Variants in MAP2K1 observed in about 807,000 individuals in gnomAD.
MAP2K1 encodes mitogen-activated protein kinase kinase 1, also known as dual specificity mitogen-activated protein kinase kinase 1.
MAP2K1 carries 16 observed loss-of-function variants against 46.3 expected under a neutral mutation model. That is an observed-to-expected ratio of 0.35 (90% CI 0.23 to 0.52). The LOEUF is 0.52. Ranked by LOEUF, MAP2K1 falls within the 20% of genes least tolerant of loss-of-function variation. The pLI is 0.94. For missense variants in MAP2K1, 263 were observed against 497.1 expected (o/e 0.53, Z 4.48); for synonymous variants, 183 against 185.6 (o/e 0.99, Z 0.11).
At chr15:66,480,303 T>C (rs2079360015) in intron 5 of MAP2K1, among the ~76,000 whole-genome samples, 1 of 152,170 alleles carries the variant, frequency 6.6e-6, no homozygotes, top group Non-Finnish European at 1.5e-5. Context: ...TTGGTCAGGC[T>C]GGTCTCAAAC....
intron 10 of MAP2K1, chr15:66,490,012 A>T: frequency 1.7e-6 from 1 of 592,386 alleles, no homozygotes; most frequent in South Asian, 2.0e-5. Context: ...ATGGGAAAGA[A>T]AAGGCCAGCC....
At position 66,490,631 on chromosome 15, in the gene MAP2K1, C is replaced by T. The variant is rs1422535238; in HGVS notation, c.*16C>T. The T allele has an allele frequency of 6.2e-7, 1 of 1,601,646 alleles. No homozygotes were observed. The highest frequency in any genetic ancestry group is 1.3e-5 in the African/African-American group (1 of 74,692). The stretch of plus-strand genomic sequence containing the variant: ...TGGCGTCTAAGTGTTTGGGAAGCAA[C>T]AAAGAGCGAGTCCCCTGCCCGGTGG... On this transcript the variant is annotated 3_prime_UTR_variant, in exon 11 of 11. Coordinates refer to ENST00000307102, the MANE Select transcript of MAP2K1 (RefSeq NM_002755.4).
At chr15:66,474,559 A>G (rs1892713082) in intron 5 of MAP2K1, among the ~76,000 whole-genome samples, 2 of 152,214 alleles carry the variant, frequency 1.3e-5, no homozygotes, top group African/African-American at 2.4e-5. Context: ...CCACAGCTCA[A>G]TAAGGGCTCT....
intron 5 of MAP2K1, among the ~76,000 whole-genome samples, chr15:66,475,349 T>C (rs912060456): frequency 1.3e-5 from 2 of 152,178 alleles, no homozygotes; most frequent in African/African-American, 4.8e-5. Flanking sequence ...TTCATTTGCC[T>C]TTTTTTAAAA....
intron 1 of MAP2K1, among the ~76,000 whole-genome samples, chr15:66,408,794 G>A (rs753230640): frequency 1.3e-5 from 2 of 152,006 alleles, no homozygotes; most frequent in Non-Finnish European, 2.9e-5. Context: ...TTCATCTTAC[G>A]TCAAAGCTCA....
intron 10 of MAP2K1, chr15:66,490,046 C>T (rs1893194244): frequency 3.5e-6 from 2 of 566,712 alleles, no homozygotes; most frequent in Non-Finnish European, 6.3e-6. Flanking sequence ...GGGATGCGGC[C>T]TTTCCCTAAT....
rs1368567195 is a variant in MAP2K1 at position 66,401,939 on chromosome 15, G to A, written c.80+14512G>A. On this transcript the variant is annotated intron_variant, in intron 1 of 10. Transcript: ENST00000307102. ...ATCGGTTCGGGTCGAAGGAAATGAA[G>A]CTGGAGAGGTAGGCTGAGGTGGTTT... 7.5e-6 allele frequency: 10 copies of A among 1,339,098 alleles called. No homozygotes were observed. In the Admixed American group the frequency reaches 2.2e-4, roughly 30 times the overall value. 83.0% of individuals were successfully genotyped at this position (1,339,098 alleles called of 1,614,324 possible).
intron 1 of MAP2K1, among the ~76,000 whole-genome samples, chr15:66,417,225 A>G (rs1379101064): frequency 6.6e-6 from 1 of 152,174 alleles, no homozygotes; most frequent in Non-Finnish European, 1.5e-5. Context: ...TACTAGACCA[A>G]TTGCTGTTAA....
intron 1 of MAP2K1, among the ~76,000 whole-genome samples, chr15:66,421,477 T>A (rs1040135465): frequency 3.9e-5 from 6 of 151,932 alleles, no homozygotes; most frequent in South Asian, 2.1e-4. Context: ...AACTGCGAGT[T>A]AATGGTTTAT....
At chr15:66,478,181 C>T (rs1271471517) in intron 5 of MAP2K1, among the ~76,000 whole-genome samples, 1 of 151,112 alleles carries the variant, frequency 6.6e-6, no homozygotes, top group African/African-American at 2.4e-5. Context: ...CAGGGCCGTT[C>T]CTTGCCACCC....
At chr15:66,470,743 T>C (rs1354167771) in intron 5 of MAP2K1, among the ~76,000 whole-genome samples, 2 of 152,142 alleles carry the variant, frequency 1.3e-5, no homozygotes, top group Non-Finnish European at 2.9e-5. Context: ...CAGAATCCCT[T>C]GGTGGTTACC....
intron 8 of MAP2K1, among the ~76,000 whole-genome samples, chr15:66,488,286 G>A (rs1211820275): frequency 6.6e-6 from 1 of 152,200 alleles, no homozygotes; most frequent in East Asian, 1.9e-4. Flanking sequence ...CTTGCTCTGG[G>A]TCACTGTTCT....
chr15:66,489,921 T>C, intron 10 of MAP2K1, 158 bp downstream of exon 10: 1 of 745,578 alleles, frequency 1.3e-6, no homozygotes, highest in East Asian at 2.6e-5. Context: ...TCTCCTTTGC[T>C]CTCCCATCAG....
intron 1 of MAP2K1, among the ~76,000 whole-genome samples, chr15:66,392,254 G>GTTTTTTTTT (rs374203054): frequency 5.1e-4 from 41 of 79,662 alleles, no homozygotes; most frequent in East Asian, 2.0e-3. Flanking sequence ...GTTTTTTTTG[G>GTTTTTTTTT]GTTTTTTTTT....
chr15:66,419,093 A>G (rs1230551203), intron 1 of MAP2K1, among the ~76,000 whole-genome samples: 1 of 150,342 alleles, frequency 6.7e-6, no homozygotes, highest in East Asian at 2.0e-4. Flanking sequence ...CATCCTCCCA[A>G]GTAGCTGGGA....
At chr15:66,474,682 T>C (rs1280560011) in intron 5 of MAP2K1, among the ~76,000 whole-genome samples, 1 of 152,172 alleles carries the variant, frequency 6.6e-6, no homozygotes, top group Admixed American at 6.5e-5. Flanking sequence ...TTCTAACCCT[T>C]GGCCCTATCG....
chr15:66,466,532 T>C (rs567906616), intron 5 of MAP2K1, among the ~76,000 whole-genome samples: 1 of 151,982 alleles, frequency 6.6e-6, no homozygotes, highest in African/African-American at 2.4e-5. Context: ...TACAAAAAAT[T>C]AGCTGGGCGT....
At chr15:66,407,128 T>G (rs957883227) in intron 1 of MAP2K1, among the ~76,000 whole-genome samples, 1 of 152,094 alleles carries the variant, frequency 6.6e-6, no homozygotes, top group Non-Finnish European at 1.5e-5. Context: ...CTCCGTGTAT[T>G]GTTTTGTAGT....
At chr15:66,444,319 A>C (rs1356787782) in intron 4 of MAP2K1, among the ~76,000 whole-genome samples, 1 of 151,374 alleles carries the variant, frequency 6.6e-6, no homozygotes, top group Non-Finnish European at 1.5e-5. Context: ...GGATCACCTG[A>C]GGTCAGGAGT....
Sources: allele counts gnomAD v4.1 joint callset (sites outside exome capture counted in the v4.1 genomes callset), GRCh38; gene constraint gnomAD v4.1.1; transcripts MANE v1.5; gene names NCBI Gene and HGNC (gene_info 2026-07-23, HGNC 2026-07-21).